The following NRXN1 variants were observed in gnomAD, a reference collection of about 807,000 sequenced individuals.
NRXN1 encodes neurexin-1.
Under a neutral mutation model 150.9 loss-of-function variants are expected in NRXN1, and 39 were observed. That is an observed-to-expected ratio of 0.26 (90% CI 0.20 to 0.34). The LOEUF (loss-of-function observed/expected upper bound fraction) is 0.34. Ranked by LOEUF, NRXN1 falls within the 10% of genes least tolerant of loss-of-function variation. NRXN1 has a pLI of 1.00. For synonymous variants in NRXN1, 924 were observed against 757.0 expected, an observed-to-expected ratio of 1.22 and a Z score of -3.62; for missense variants, 1,815 against 1,949.9, an observed-to-expected ratio of 0.93 and a Z score of 1.30.
Position 51,028,338 on chromosome 2 carries a change from G to C in NRXN1, c.-65C>G. 8.8e-7 allele frequency: 1 copy of C among 1,130,122 alleles called. No individual in the cohort carries two copies. Among genetic ancestry groups the C allele is most frequent in the Non-Finnish European group, 1.2e-6 (1 of 841,322 alleles). The allele number at this position is 1,130,122 out of a possible 1,614,324, so 70.0% of individuals were successfully genotyped here. A position where few individuals can be genotyped will look rare whatever the true frequency, so the allele number is the denominator to read the frequency against. Reference sequence around the variant, plus strand: ...CAGGGTCAAAATGGTCCTGGACACCGTGACGAAGAAATAAGGGTCCCGAGA... The same window carrying C: ...CAGGGTCAAAATGGTCCTGGACACCCTGACGAAGAAATAAGGGTCCCGAGA... On this transcript the variant is annotated 5_prime_UTR_variant, in exon 2 of 23. Coordinates refer to ENST00000401669, the MANE Select transcript of NRXN1 (RefSeq NM_001330078.2).
chr2:50,085,897 G>A (rs1027742122), intron 19 of NRXN1, among the ~76,000 whole-genome samples: 1 of 152,098 alleles, frequency 6.6e-6, no homozygotes, highest in African/African-American at 2.4e-5. Flanking sequence ...TGCATCTAAT[G>A]ATCTTTGTAT....
chr2:50,918,862 T>A (rs1685589035), intron 5 of NRXN1: 1 of 215,810 alleles, frequency 4.6e-6, no homozygotes, highest in Non-Finnish European at 9.1e-6. Flanking sequence ...TGATCCAAAT[T>A]TCATGAAGAC....
At chr2:50,044,534 T>G (rs1238705466) in intron 21 of NRXN1, among the ~76,000 whole-genome samples, 1 of 152,216 alleles carries the variant, frequency 6.6e-6, no homozygotes, top group Non-Finnish European at 1.5e-5. Context: ...GAAGCATGTT[T>G]CCCCAATATG....
chr2:50,653,190 A>T (rs567809860), intron 5 of NRXN1, among the ~76,000 whole-genome samples: 22 of 152,080 alleles, frequency 1.4e-4, no homozygotes, highest in Admixed American at 4.6e-4. Flanking sequence ...AACTTTAGAC[A>T]AACCAAATCT....
In NRXN1 at chr2:50,009,697, C is replaced by T. The variant is rs976792710; in HGVS notation, c.4128+43574G>A. On this transcript the variant is annotated intron_variant, in intron 21 of 22. Coordinates refer to ENST00000401669, the MANE Select transcript of NRXN1 (RefSeq NM_001330078.2). Reference sequence around the variant, plus strand: ...TCCAATTCAAGAAAATTACACAGTACAGTAATATACAATCATAATAGTCGC... The same window carrying T: ...TCCAATTCAAGAAAATTACACAGTATAGTAATATACAATCATAATAGTCGC... Among the ~76,000 whole-genome samples the T allele has an allele frequency of 1.1e-4, 16 of 152,218 alleles. No individual in the cohort carries two copies. In the South Asian group the frequency reaches 1.9e-3, roughly 18 times the overall value.
intron 5 of NRXN1, among the ~76,000 whole-genome samples, chr2:50,767,313 T>A (rs971260329): frequency 1.3e-5 from 2 of 152,096 alleles, no homozygotes; most frequent in Non-Finnish European, 2.9e-5. Flanking sequence ...GCACCTTATA[T>A]TGCAATTAAT....
chr2:50,098,830 GTTTTT>G (rs746736925), intron 18 of NRXN1, among the ~76,000 whole-genome samples: 7 of 105,566 alleles, frequency 6.6e-5, no homozygotes, highest in African/African-American at 2.4e-4. Context: ...TTTGGTTTTA[GTTTTT>G]TTTTTTTTTT....
At chr2:50,459,318 A>G (rs1434572869) in intron 17 of NRXN1, among the ~76,000 whole-genome samples, 1 of 152,076 alleles carries the variant, frequency 6.6e-6, no homozygotes, top group Admixed American at 6.6e-5. Flanking sequence ...GTATTTTTTT[A>G]CTTTTATTTT....
intron 5 of NRXN1, among the ~76,000 whole-genome samples, chr2:50,729,135 G>T (rs1376325742): frequency 1.3e-5 from 2 of 151,892 alleles, no homozygotes; most frequent in Non-Finnish European, 2.9e-5. Context: ...ATTTTAAGTT[G>T]CATTCTTATA....
At chr2:50,808,170 A>G (rs1357804111) in intron 5 of NRXN1, among the ~76,000 whole-genome samples, 1 of 152,100 alleles carries the variant, frequency 6.6e-6, no homozygotes, top group Non-Finnish European at 1.5e-5. Flanking sequence ...GTACAGTGTT[A>G]AAACTATTGT....
At position 50,794,176 on chromosome 2, in the gene NRXN1, GTTTC is replaced by G. The variant is rs1260871876; in HGVS notation, c.832+127689_832+127692del. On this transcript the variant is annotated intron_variant, in intron 5 of 22. Transcript: ENST00000401669. ...ACCCTTTTTCATAGGCATTTTTCAG[GTTTC>G]TTTGTTACATCCGACTGAAACAGGC... Among the ~76,000 whole-genome samples, 4 of 152,138 alleles carry G rather than the reference GTTTC, an allele frequency of 2.6e-5. No individual in the cohort carries two copies. In the East Asian group the frequency reaches 7.7e-4, roughly 29 times the overall value.
rs755612660 is a variant in NRXN1 at position 50,552,567 on chromosome 2, T to C, written c.1759+20A>G. 1 of 1,590,192 alleles carries C rather than the reference T, an allele frequency of 6.3e-7. No individual in the cohort carries two copies. The highest frequency in any genetic ancestry group is 8.6e-7 in the Non-Finnish European group (1 of 1,160,360). ...GGGGTGCTCCAGCAGATAAACAGCA[T>C]AGAAAAATGATAAGATTACCTGACC... On this transcript the variant is annotated intron_variant, in intron 9 of 22. Transcript: ENST00000401669.
At chr2:50,864,717 C>T (rs12474101) in intron 5 of NRXN1, among the ~76,000 whole-genome samples, 53,636 of 151,844 alleles carry the variant, frequency 0.35, 10,834 homozygotes, top group Non-Finnish European at 0.47. Flanking sequence ...AATCTCTGGG[C>T]CTTTTCCAAA....
intron 17 of NRXN1, among the ~76,000 whole-genome samples, chr2:50,381,964 T>C (rs1039660058): frequency 6.6e-6 from 1 of 152,076 alleles, no homozygotes; most frequent in South Asian, 2.1e-4. Context: ...AGAAGACTGT[T>C]ACAGGACAGA....
chr2:50,185,557 C>G (rs925543659), intron 18 of NRXN1: 1 of 152,038 alleles, frequency 6.6e-6, no homozygotes, highest in Non-Finnish European at 1.5e-5. Flanking sequence ...GCCTCAGATG[C>G]ATTGAGAGCC....
chr2:50,670,184 T>C (rs1180365158), intron 5 of NRXN1, among the ~76,000 whole-genome samples: 1 of 151,970 alleles, frequency 6.6e-6, no homozygotes, highest in Non-Finnish European at 1.5e-5. Flanking sequence ...CTCTGCTATA[T>C]TCCTAAAGAT....
intron 17 of NRXN1, among the ~76,000 whole-genome samples, chr2:50,262,614 C>T (rs188145202): frequency 2.0e-5 from 3 of 152,000 alleles, no homozygotes; most frequent in African/African-American, 7.2e-5. Flanking sequence ...TTCTTATGAG[C>T]CTTAGTAGGT....
At chr2:50,709,781 A>T (rs1228853918) in intron 5 of NRXN1, among the ~76,000 whole-genome samples, 1 of 152,144 alleles carries the variant, frequency 6.6e-6, no homozygotes, top group Non-Finnish European at 1.5e-5. Flanking sequence ...TCAAGTCTAA[A>T]ATGTTAGAAC....
chr2:50,970,731 T>C (rs965040140), intron 2 of NRXN1, among the ~76,000 whole-genome samples: 22 of 152,120 alleles, frequency 1.4e-4, no homozygotes, highest in African/African-American at 4.8e-4. Flanking sequence ...AGGGTCGTTA[T>C]GTTTAAAATA....
Sources: allele counts gnomAD v4.1 joint callset (sites outside exome capture counted in the v4.1 genomes callset), GRCh38; gene constraint gnomAD v4.1.1; transcripts MANE v1.5; gene names NCBI Gene and HGNC (gene_info 2026-07-23, HGNC 2026-07-21).